CACHD1: variants seen among roughly 807,000 people sequenced by gnomAD.
The protein encoded by CACHD1 is cache domain containing 1, also known as VWFA and cache domain-containing protein 1.
CACHD1 carries 71 observed loss-of-function variants against 138.7 expected under a neutral mutation model. The observed-to-expected ratio is 0.51, with a 90% confidence interval of 0.42 to 0.62. CACHD1 has a LOEUF of 0.62. Among genes scored for constraint, CACHD1 ranks in the 20% least tolerant of loss-of-function variants. The probability of loss-of-function intolerance (pLI) is 0.00; values close to 1 mark genes in which losing one functional copy is unlikely to be tolerated. For missense variants in CACHD1, 1,389 were observed against 1,625.3 expected (o/e 0.85, Z 2.50); for synonymous variants, 578 against 591.5 (o/e 0.98, Z 0.33).
chr1:64,489,736 G>T (rs960580733), intron 1 of CACHD1, among the ~76,000 whole-genome samples: 7 of 152,108 alleles, frequency 4.6e-5, no homozygotes, highest in African/African-American at 1.7e-4. Flanking sequence ...TTCATGTGAG[G>T]ATACATAATG....
At chr1:64,677,427 C>G (rs1650034385) in intron 22 of CACHD1, among the ~76,000 whole-genome samples, 1 of 152,192 alleles carries the variant, frequency 6.6e-6, no homozygotes, top group African/African-American at 2.4e-5. Flanking sequence ...GCTCTCTCCC[C>G]ACTCCTCAGG....
chr1:64,513,211 T>C (rs1646435129), intron 1 of CACHD1, among the ~76,000 whole-genome samples: 1 of 152,192 alleles, frequency 6.6e-6, no homozygotes, highest in African/African-American at 2.4e-5. Context: ...GGGAGGGGGC[T>C]GTCCTGTGCA....
rs1646586300 is a variant in CACHD1, at chr1:64,531,540, G to A, written c.199-19054G>A. Among the ~76,000 whole-genome samples, 4 of 151,052 alleles carry A rather than the reference G, an allele frequency of 2.6e-5. No individual in the cohort carries two copies. In the South Asian group the frequency reaches 8.3e-4, roughly 31 times the overall value. Reference sequence around the variant, plus strand: ...GTGTGTGTGTGTGTGTCTGTGTAGGGGTGGGAGGAGAAGGAGAACCAGAAC... The same window carrying A: ...GTGTGTGTGTGTGTGTCTGTGTAGGAGTGGGAGGAGAAGGAGAACCAGAAC... On this transcript the variant is annotated intron_variant, in intron 1 of 26. Coordinates refer to ENST00000651257, the MANE Select transcript of CACHD1 (RefSeq NM_020925.4).
intron 3 of CACHD1, among the ~76,000 whole-genome samples, chr1:64,600,116 A>G (rs1471220762): frequency 6.6e-6 from 1 of 152,164 alleles, no homozygotes; most frequent in Non-Finnish European, 1.5e-5. Context: ...GAAAGGGTTC[A>G]TAACTTGGAG....
intron 8 of CACHD1, among the ~76,000 whole-genome samples, chr1:64,645,936 A>G (rs1421596274): frequency 6.6e-6 from 1 of 152,180 alleles, no homozygotes; most frequent in Non-Finnish European, 1.5e-5. Flanking sequence ...ACAAGAAAAG[A>G]GGATCCTGGG....
At chr1:64,555,015 G>A (rs1326687106) in intron 2 of CACHD1, among the ~76,000 whole-genome samples, 3 of 151,936 alleles carry the variant, frequency 2.0e-5, no homozygotes, top group Non-Finnish European at 2.9e-5. Context: ...TTTGAGATAG[G>A]GTTTTGCTCT....
At chr1:64,679,202 T>C (rs969375003) in intron 23 of CACHD1, among the ~76,000 whole-genome samples, 2 of 152,232 alleles carry the variant, frequency 1.3e-5, no homozygotes, top group African/African-American at 4.8e-5. Flanking sequence ...GCATATTTAT[T>C]GGACCTGGTG....
At chr1:64,587,555 C>T (rs1013798667) in intron 3 of CACHD1, among the ~76,000 whole-genome samples, 9 of 152,246 alleles carry the variant, frequency 5.9e-5, no homozygotes, top group South Asian at 2.1e-4. Context: ...CTGCACAAGA[C>T]GCTGCCTAGT....
intron 25 of CACHD1, among the ~76,000 whole-genome samples, chr1:64,681,541 G>GGGTTTTTTTTTTT (rs1553146851): frequency 1.5e-5 from 1 of 68,132 alleles, no homozygotes; most frequent in African/African-American, 7.3e-5. Flanking sequence ...ATTTTATTGT[G>GGGTTTTTTTTTTT]TTTTTTTTTT....
At chr1:64,567,068 A>T (rs1346919393) in intron 2 of CACHD1, among the ~76,000 whole-genome samples, 1 of 152,108 alleles carries the variant, frequency 6.6e-6, no homozygotes, top group Non-Finnish European at 1.5e-5. Flanking sequence ...CTCTGTAGAT[A>T]CTGGGGAATG....
chr1:64,666,593 C>A (rs1346004232), intron 16 of CACHD1, among the ~76,000 whole-genome samples: 1 of 151,958 alleles, frequency 6.6e-6, no homozygotes, highest in East Asian at 1.9e-4. Flanking sequence ...TGAAGAAAAA[C>A]GGGGTGGGTT....
intron 1 of CACHD1, among the ~76,000 whole-genome samples, chr1:64,515,005 C>G (rs1378361766): frequency 6.6e-6 from 1 of 152,158 alleles, no homozygotes; most frequent in African/African-American, 2.4e-5. Flanking sequence ...TGTGTAATCT[C>G]TAAATCTCTT....
At position 64,500,624 on chromosome 1, in the gene CACHD1, G is replaced by A. The variant is rs151003990; in HGVS notation, c.198+29682G>A. Among the ~76,000 whole-genome samples, 711 of 151,664 alleles carry A rather than the reference G, an allele frequency of 4.7e-3. 5 individuals are homozygous for A. The highest frequency in any genetic ancestry group is 0.017 in the African/African-American group (681 of 41,266). ...TCCCAGCACTTGAAGAAGTCGAGGC[G>A]GGAGGATCCCTTAAAGCCAAGAGTT... On this transcript the variant is annotated intron_variant, in intron 1 of 26. Transcript: ENST00000651257.
chr1:64,502,168 G>C (rs1646344076), intron 1 of CACHD1, among the ~76,000 whole-genome samples: 1 of 152,208 alleles, frequency 6.6e-6, no homozygotes, highest in Non-Finnish European at 1.5e-5. Context: ...AACTTAAACA[G>C]GACAGAAAAC....
intron 1 of CACHD1, among the ~76,000 whole-genome samples, chr1:64,523,754 A>G (rs547076580): frequency 3.9e-5 from 6 of 152,344 alleles, no homozygotes; most frequent in African/African-American, 1.4e-4. Context: ...TAAAATGTAT[A>G]AAGCTGATAA....
intron 1 of CACHD1, among the ~76,000 whole-genome samples, chr1:64,540,926 A>G (rs1646672133): frequency 6.6e-6 from 1 of 152,332 alleles, no homozygotes; most frequent in African/African-American, 2.4e-5. Flanking sequence ...CACCGGACTA[A>G]GGAATTCATA....
intron 12 of CACHD1, among the ~76,000 whole-genome samples, chr1:64,657,377 CTTTA>C: frequency 6.6e-6 from 1 of 152,276 alleles, no homozygotes; most frequent in Admixed American, 6.5e-5. Flanking sequence ...CTTACGGTAA[CTTTA>C]TTTTTCTCTT....
chr1:64,626,543 A>G lies in CACHD1; in HGVS notation c.518-2812A>G, dbSNP rs147847309. 6.6e-5 allele frequency among the ~76,000 whole-genome samples: 10 copies of G among 152,336 alleles called. No individual in the cohort carries two copies. In the East Asian group the frequency reaches 1.9e-3, roughly 29 times the overall value. On this transcript the variant is annotated intron_variant, in intron 4 of 26. Coordinates refer to ENST00000651257, the MANE Select transcript of CACHD1 (RefSeq NM_020925.4). ...ATGCACTTATGTACACTGTCCTTTA[A>G]TAAGTCATTGAGAGGAACTTGGCCT...
At chr1:64,594,537 C>G (rs1647134582) in intron 3 of CACHD1, among the ~76,000 whole-genome samples, 1 of 152,110 alleles carries the variant, frequency 6.6e-6, no homozygotes, top group Non-Finnish European at 1.5e-5. Context: ...AGGTAGATGT[C>G]TTTATCTTTA....
Sources: gnomAD v4.1 joint callset for allele counts (sites outside exome capture counted in the v4.1 genomes callset) on GRCh38, gnomAD v4.1.1 for gene constraint, MANE v1.5 for transcripts, NCBI Gene and HGNC (gene_info 2026-07-23, HGNC 2026-07-21) for gene names.